TNR: variants seen among roughly 807,000 people sequenced by gnomAD.
TNR encodes the protein tenascin-R.
In TNR, 45 loss-of-function variants were observed where a neutral mutation model predicts 150.4. The ratio of observed to expected loss-of-function variants is 0.30; its 90% CI spans 0.24 to 0.38. TNR has a LOEUF of 0.38. TNR is among the 10% of genes least tolerant of loss of function. TNR has a pLI of 1.00. For missense variants in TNR, 1,544 were observed against 1,759.1 expected (o/e 0.88, Z 2.19); for synonymous variants, 687 against 678.4 (o/e 1.01, Z -0.20).
chr1:175,649,125 G>A (rs1455220608), intron 1 of TNR, among the ~76,000 whole-genome samples: 2 of 152,128 alleles, frequency 1.3e-5, no homozygotes, highest in African/African-American at 2.4e-5. Context: ...GGACCAATTC[G>A]GCCATGGTCA....
intron 2 of TNR, 45 bp downstream of exon 2, chr1:175,528,224 A>G (rs186787135): frequency 1.3e-5 from 2 of 152,272 alleles, no homozygotes; most frequent in Admixed American, 1.3e-4. Context: ...AAAGCCACAG[A>G]CTGGCCATGG....
At chr1:175,639,458 C>G (rs141669511) in intron 1 of TNR, among the ~76,000 whole-genome samples, 3 of 152,256 alleles carry the variant, frequency 2.0e-5, no homozygotes, top group South Asian at 2.1e-4. Flanking sequence ...ACTGAGGTGC[C>G]CTTCTATGCC....
intron 1 of TNR, among the ~76,000 whole-genome samples, chr1:175,653,517 C>T (rs565419733): frequency 6.6e-6 from 1 of 152,188 alleles, no homozygotes; most frequent in East Asian, 1.9e-4. Context: ...GCTAAGAGGA[C>T]ACTGGGAAGT....
At chr1:175,673,528 A>C (rs1411940846) in intron 1 of TNR, among the ~76,000 whole-genome samples, 1 of 152,246 alleles carries the variant, frequency 6.6e-6, no homozygotes, top group Non-Finnish European at 1.5e-5. Flanking sequence ...AAGAATAAAA[A>C]GGGAGTCTCA....
intron 1 of TNR, among the ~76,000 whole-genome samples, chr1:175,696,220 T>TTGTTTTG (rs34612625): frequency 2.3e-5 from 1 of 44,298 alleles, no homozygotes; most frequent in East Asian, 3.5e-3. Flanking sequence ...TCCTGTAGTT[T>TTGTTTTG]TTTTTTTTTT....
At chr1:175,568,099 C>G (rs1246982526) in intron 1 of TNR, among the ~76,000 whole-genome samples, 2 of 152,204 alleles carry the variant, frequency 1.3e-5, no homozygotes, top group Admixed American at 1.3e-4. Flanking sequence ...TTACAGCTGA[C>G]AGATCATCTC....
chr1:175,418,663 G>T (rs1468111956), intron 2 of TNR, among the ~76,000 whole-genome samples: 1 of 152,014 alleles, frequency 6.6e-6, no homozygotes, highest in African/African-American at 2.4e-5. Context: ...GGCGGAGGTT[G>T]CAGTGAGCCG....
At chr1:175,345,720 G>C (rs904538089) in intron 18 of TNR, among the ~76,000 whole-genome samples, 1 of 151,868 alleles carries the variant, frequency 6.6e-6, no homozygotes, top group Non-Finnish European at 1.5e-5. Flanking sequence ...TCAACATCTA[G>C]CTAACAAAAG....
At chr1:175,376,855 T>C (rs1652409802) in intron 9 of TNR, among the ~76,000 whole-genome samples, 1 of 106,150 alleles carries the variant, frequency 9.4e-6, no homozygotes, top group African/African-American at 3.5e-5. Context: ...TATATAAATG[T>C]AATATTATAT....
In TNR at chr1:175,386,320, A is replaced by G; in HGVS notation, c.1508-19T>C. ...TCAATGACTGAGTGAGAAGGATCAA[A>G]CAGAACAAAAAGTTTGAATGAGAAA... On this transcript the variant is annotated intron_variant, in intron 7 of 22. Transcript: ENST00000367674. 6.6e-7 allele frequency: 1 copy of G among 1,520,806 alleles called. No homozygotes were observed. Among genetic ancestry groups the G allele is most frequent in the Non-Finnish European group, 8.8e-7 (1 of 1,132,470 alleles). 94.2% of individuals were successfully genotyped at this position (1,520,806 alleles called of 1,614,324 possible).
At chr1:175,520,122 A>G (rs1659575922) in intron 2 of TNR, among the ~76,000 whole-genome samples, 1 of 152,236 alleles carries the variant, frequency 6.6e-6, no homozygotes, top group African/African-American at 2.4e-5. Context: ...AGTGCTTAGC[A>G]TATAGAAAGC....
intron 2 of TNR, among the ~76,000 whole-genome samples, chr1:175,522,130 T>C (rs746499415): frequency 6.6e-6 from 1 of 152,342 alleles, no homozygotes; most frequent in Non-Finnish European, 1.5e-5. Context: ...TCCTTTTTTT[T>C]TCTCCTGCCT....
rs1404206800 is a variant in TNR at position 175,317,484 on chromosome 1, A to C, written c.*5873T>G. The stretch of plus-strand genomic sequence containing the variant: ...TTAAAGAGCAACACAGGGTCTCCCT[A>C]GGGGCTGCTAAACCAGTGATGGGAA... On this transcript the variant is annotated 3_prime_UTR_variant, in exon 23 of 23. Transcript: ENST00000367674. 1 of 152,222 alleles carries C rather than the reference A, an allele frequency of 6.6e-6. No individual in the cohort carries two copies. The highest frequency in any genetic ancestry group is 6.5e-5 in the Admixed American group (1 of 15,282). 9.4% of individuals were successfully genotyped at this position (152,222 alleles called of 1,614,324 possible).
At chr1:175,674,298 C>T (rs116171011) in intron 1 of TNR, among the ~76,000 whole-genome samples, 207 of 152,288 alleles carry the variant, frequency 1.4e-3, no homozygotes, top group African/African-American at 4.7e-3. Flanking sequence ...TGAGATAGCT[C>T]CCCTCCTGAG....
At chr1:175,698,781 T>A (rs865818603) in intron 1 of TNR, among the ~76,000 whole-genome samples, 4 of 151,602 alleles carry the variant, frequency 2.6e-5, no homozygotes, top group African/African-American at 7.3e-5. Context: ...GTTGCAGTGA[T>A]CTGAGATCAC....
chr1:175,708,247 C>T (rs1460305790), intron 1 of TNR, among the ~76,000 whole-genome samples: 1 of 152,132 alleles, frequency 6.6e-6, no homozygotes, highest in Non-Finnish European at 1.5e-5. Context: ...GGCAGGGCCA[C>T]CTCCTTCCTT....
intron 1 of TNR, among the ~76,000 whole-genome samples, chr1:175,669,887 G>C (rs1283898942): frequency 6.6e-6 from 1 of 152,186 alleles, no homozygotes; most frequent in Non-Finnish European, 1.5e-5. Context: ...GCAGGAACAG[G>C]GACTCTCTCT....
intron 8 of TNR, among the ~76,000 whole-genome samples, chr1:175,380,096 A>T (rs991333749): frequency 2.6e-5 from 4 of 152,244 alleles, no homozygotes; most frequent in African/African-American, 4.8e-5. Context: ...CGAGTGATGG[A>T]GATGGAATAG....
chr1:175,365,871 G>A lies in TNR; in HGVS notation c.2317+4C>T. 6.2e-7 allele frequency: 1 copy of A among 1,612,832 alleles called. No individual in the cohort carries two copies. The highest frequency in any genetic ancestry group is 1.3e-5 in the African/African-American group (1 of 74,990). On this transcript the variant is annotated splice_donor_region_variant and intron_variant, in intron 11 of 22. Coordinates refer to ENST00000367674, the MANE Select transcript of TNR (RefSeq NM_003285.3). ...CCTGGCTGGGATTTCTGCTGCTCTGGTACCTGTGAAAGCATCCACAGTGGA... is the reference window on the plus strand; with the variant it reads ...CCTGGCTGGGATTTCTGCTGCTCTGATACCTGTGAAAGCATCCACAGTGGA...
Sources: allele counts gnomAD v4.1 joint callset (sites outside exome capture counted in the v4.1 genomes callset), GRCh38; gene constraint gnomAD v4.1.1; transcripts MANE v1.5; gene names NCBI Gene and HGNC (gene_info 2026-07-23, HGNC 2026-07-21).